The following PPP6R2 variants were observed in gnomAD, a reference collection of about 807,000 sequenced individuals.
PPP6R2 encodes serine/threonine-protein phosphatase 6 regulatory subunit 2.
PPP6R2 carries 62 observed loss-of-function variants against 100.2 expected under a neutral mutation model. The ratio of observed to expected loss-of-function variants is 0.62; its 90% CI spans 0.50 to 0.76. The LOEUF (loss-of-function observed/expected upper bound fraction) is 0.76, where lower values mean the gene tolerates loss of function less well. Among genes scored for constraint, PPP6R2 ranks in the 30% least tolerant of loss-of-function variants. The pLI, the probability that PPP6R2 is intolerant of heterozygous loss-of-function variation, is 0.00. For synonymous variants in PPP6R2, 525 were observed against 514.7 expected (o/e 1.02, Z -0.27); for missense variants, 1,142 against 1,276.3 (o/e 0.89, Z 1.60).
intron 3 of PPP6R2, among the ~76,000 whole-genome samples, chr22:50,403,356 G>A (rs2058349516): frequency 6.6e-6 from 1 of 152,144 alleles, no homozygotes; most frequent in Admixed American, 6.5e-5. Context: ...CGGTCTTAGT[G>A]TTAGAGATCT....
rs189622068 is a variant in PPP6R2 at position 50,440,767 on chromosome 22, C to T, written c.2375-55C>T. The T allele has an allele frequency of 3.8e-5, 61 of 1,591,192 alleles. No homozygotes were observed. The East Asian group carries it at 5.6e-4, about 15-fold the overall frequency. ...ATGGGGACCCTATGGCTGGAGTGGC[C>T]GCACCCTGTGACCCCTCCTGCCTCA... On this transcript the variant is annotated intron_variant, in intron 21 of 23. Transcript: ENST00000612753.
chr22:50,417,758 A>C (rs975402945), intron 6 of PPP6R2, among the ~76,000 whole-genome samples: 1 of 152,158 alleles, frequency 6.6e-6, no homozygotes, highest in Non-Finnish European at 1.5e-5. Flanking sequence ...ACTGGAGCCC[A>C]CCCATGCATG....
rs112914340 is a variant in PPP6R2 at position 50,437,663 on chromosome 22, G to A, written c.1781+60G>A. 166 of 1,453,344 alleles carry A rather than the reference G, an allele frequency of 1.1e-4. No homozygotes were observed. The Middle Eastern group carries it at 1.7e-3, about 15-fold the overall frequency. 90.0% of individuals were successfully genotyped at this position (1,453,344 alleles called of 1,614,324 possible). A position where few individuals can be genotyped will look rare whatever the true frequency, so the allele number is the denominator to read the frequency against. ...CGGCTCTCCCTGCTGCTGAGCTCCC[G>A]TGGAGGCAGCTCCCTGAGGTCTTGC... On this transcript the variant is annotated intron_variant, in intron 16 of 23. Transcript: ENST00000612753.
chr22:50,423,501 C>G lies in PPP6R2; in HGVS notation c.1012C>G (p.Pro338Ala). The G allele has an allele frequency of 6.2e-7, 1 of 1,614,192 alleles. No homozygotes were observed. Among genetic ancestry groups the G allele is most frequent in the Non-Finnish European group, 8.5e-7 (1 of 1,180,036 alleles). Residue 338 changes from proline (P) to alanine (A), a missense_variant, in exon 10 of 24, where the codon CCC becomes GCC. This residue lies in a region of PPP6R2 where 592 missense variants were observed against 758.9 expected (regional missense o/e 0.78). Transcript: ENST00000612753. The surrounding 1 kb of genome is among the most constrained non-coding windows in gnomAD (Gnocchi z 4.8). Reference protein sequence around the residue: ...ILTTIGVLEEPLGNARLHGAR... With the variant: ...ILTTIGVLEEALGNARLHGAR... ...GACCACCATTGGTGTGCTGGAGGAG[C>G]CCCTGGGGAATGCCCGTCTGCATGG...
intron 3 of PPP6R2, among the ~76,000 whole-genome samples, chr22:50,403,143 G>T (rs956708202): frequency 1.1e-4 from 16 of 152,078 alleles, no homozygotes; most frequent in African/African-American, 3.6e-4. Context: ...GGAGGCGGAG[G>T]TTGCAGTGAG....
Position 50,370,733 on chromosome 22 carries a change from AAG to A in PPP6R2, c.-147-1286_-147-1285del, listed in dbSNP as rs1602495073. Among the ~76,000 whole-genome samples the A allele has an allele frequency of 2.0e-5, 3 of 151,682 alleles. No individual in the cohort carries two copies. The East Asian group carries it at 5.8e-4, about 29-fold the overall frequency. ...ACTGCAACCTCTGCCTCCCGGGTTCAAGTGATTCTCCTGCCTCAGCCTCCCGA... is the reference window on the plus strand; with the variant it reads ...ACTGCAACCTCTGCCTCCCGGGTTCATGATTCTCCTGCCTCAGCCTCCCGA... On this transcript the variant is annotated intron_variant, in intron 1 of 23. Coordinates refer to ENST00000612753, the MANE Select transcript of PPP6R2 (RefSeq NM_001242898.2).
rs559534777 is a variant in PPP6R2, at chr22:50,381,340, A to T, written c.-17+9190A>T. Among the ~76,000 whole-genome samples the T allele has an allele frequency of 1.0e-4, 8 of 79,190 alleles. No homozygotes were observed. In the South Asian group the frequency reaches 3.8e-3, roughly 38 times the overall value. The allele number at this position is 79,190 out of a possible 152,430, so 52.0% of individuals were successfully genotyped here. A position where few individuals can be genotyped will look rare whatever the true frequency, so the allele number is the denominator to read the frequency against. On this transcript the variant is annotated intron_variant, in intron 2 of 23. Transcript: ENST00000612753. ...CTCAGCATCACACGGGCCTCACCTC[A>T]GCATCACACGGGCCCCACCTCAGCA...
the PPP6R2 span, among the ~76,000 whole-genome samples, chr22:50,336,225 T>C: frequency 4.5e-4 from 69 of 152,266 alleles, 1 homozygote; most frequent in African/African-American, 1.6e-3. Context: ...CCTGACCTCA[T>C]GATCCACCCA....
intron 4 of PPP6R2, among the ~76,000 whole-genome samples, chr22:50,411,842 G>A (rs563729655): frequency 6.6e-6 from 1 of 152,116 alleles, no homozygotes; most frequent in South Asian, 2.1e-4. Flanking sequence ...TCAGGAGATC[G>A]AGACCGTCCT....
At chr22:50,416,207 C>A in intron 6 of PPP6R2, 50 bp downstream of exon 6, 1 of 1,516,750 alleles carries the variant, frequency 6.6e-7, no homozygotes, top group South Asian at 1.1e-5. Context: ...GCCTGTGCTG[C>A]CAGGTCACCC....
chr22:50,442,912 C>T (rs2066032110), intron 22 of PPP6R2, among the ~76,000 whole-genome samples: 1 of 151,300 alleles, frequency 6.6e-6, no homozygotes, highest in Admixed American at 6.6e-5. Flanking sequence ...CGCCTGTAAT[C>T]CCAGCACTTT....
At chr22:50,433,023 C>A (rs1330056198) in intron 12 of PPP6R2, among the ~76,000 whole-genome samples, 1 of 152,250 alleles carries the variant, frequency 6.6e-6, no homozygotes, top group African/African-American at 2.4e-5. Flanking sequence ...GGCCTTTCTG[C>A]CTCCATTTCC....
In PPP6R2 at chr22:50,437,486, C is replaced by CCCA; in HGVS notation, c.1684-19_1684-18insCAC. 1 of 643,612 alleles carries CCCA rather than the reference C, an allele frequency of 1.6e-6. No homozygotes were observed. Among genetic ancestry groups the CCCA allele is most frequent in the Non-Finnish European group, 2.9e-6 (1 of 339,804 alleles). The allele number at this position is 643,612 out of a possible 1,614,324, so 39.9% of individuals were successfully genotyped here. On this transcript the variant is annotated intron_variant, in intron 15 of 23. Transcript: ENST00000612753. ...CATGACCGGTGTCTGTCCGTCCCTC[C>CCCA]CTCCCTCCCTCCCTCCCAGGCCTTC...
chr22:50,373,977 A>AC (rs2050884110), intron 2 of PPP6R2, among the ~76,000 whole-genome samples: 1 of 151,486 alleles, frequency 6.6e-6, no homozygotes, highest in Non-Finnish European at 1.5e-5. Flanking sequence ...CAAGCAATCC[A>AC]CCCACCTCAG....
At chr22:50,441,202 C>A in intron 22 of PPP6R2, 176 bp downstream of exon 22, 1 of 613,074 alleles carries the variant, frequency 1.6e-6, no homozygotes, top group Non-Finnish European at 2.8e-6. Flanking sequence ...CGGTGGTGCC[C>A]ACGCGTTTAC....
chr22:50,388,845 G>T (rs183977764), intron 2 of PPP6R2: 2 of 150,976 alleles, frequency 1.3e-5, no homozygotes, highest in African/African-American at 2.4e-5. Flanking sequence ...GCACTCCAGC[G>T]TGGGGACAGA....
chr22:50,375,944 G>A (rs1198661605), intron 2 of PPP6R2, among the ~76,000 whole-genome samples: 1 of 147,522 alleles, frequency 6.8e-6, no homozygotes, highest in Non-Finnish European at 1.5e-5. Flanking sequence ...AGGTTGAAGC[G>A]ATTCTCCTAC....
chr22:50,340,162 TG>T (rs2042356217), upstream of PPP6R2, among the ~76,000 whole-genome samples: 1 of 127,860 alleles, frequency 7.8e-6, no homozygotes, highest in African/African-American at 3.0e-5. Context: ...GTAGGGCGTG[TG>T]GTGTGTGTGT....
At chr22:50,384,320 C>T (rs2053747217) in intron 2 of PPP6R2, among the ~76,000 whole-genome samples, 1 of 152,066 alleles carries the variant, frequency 6.6e-6, no homozygotes, top group South Asian at 2.1e-4. Context: ...GTCTGGGAGG[C>T]TGAGGTGGGC....
Sources: gnomAD v4.1 joint callset for allele counts (sites outside exome capture counted in the v4.1 genomes callset) on GRCh38, gnomAD v4.1.1 for gene constraint, gnomAD v4.1.1 regional missense constraint, Gnocchi (gnomAD v3.1) non-coding constraint, MANE v1.5 for transcripts, NCBI Gene and HGNC (gene_info 2026-07-23, HGNC 2026-07-21) for gene names.